Variants in SYN3 observed in about 807,000 individuals in gnomAD.
SYN3 encodes synapsin III, also known as synapsin-3.
Under a neutral mutation model 65.8 loss-of-function variants are expected in SYN3, and 35 were observed. The ratio of observed to expected loss-of-function variants is 0.53; its 90% CI spans 0.41 to 0.70. The LOEUF (loss-of-function observed/expected upper bound fraction) is 0.70. SYN3 is among the 30% of genes least tolerant of loss of function. SYN3 has a pLI of 0.00. For synonymous variants in SYN3, 270 were observed against 292.9 expected, an observed-to-expected ratio of 0.92 and a Z score of 0.80; for missense variants, 680 against 749.0, an observed-to-expected ratio of 0.91 and a Z score of 1.08.
chr22:32,971,306 C>T (rs187152403), intron 3 of SYN3, among the ~76,000 whole-genome samples: 16 of 152,206 alleles, frequency 1.1e-4, no homozygotes. Context: ...TTTTATCCCC[C>T]CAGCTGGTTC....
chr22:32,842,895 G>T (rs982708859), intron 6 of SYN3, among the ~76,000 whole-genome samples: 51 of 152,182 alleles, frequency 3.4e-4, no homozygotes, highest in Non-Finnish European at 1.0e-4. Context: ...GGTGGTGGGT[G>T]GGTGATCAAA....
At chr22:33,005,034 C>T (rs751835046) in intron 2 of SYN3, among the ~76,000 whole-genome samples, 1 of 152,160 alleles carries the variant, frequency 6.6e-6, no homozygotes, top group Non-Finnish European at 1.5e-5. Context: ...GGGCTTCCCC[C>T]TTCACCTGGC....
chr22:32,588,176 G>C (rs1485069743), intron 7 of SYN3, among the ~76,000 whole-genome samples: 2 of 152,164 alleles, frequency 1.3e-5, no homozygotes, highest in African/African-American at 4.8e-5. Context: ...ATGGAATGGG[G>C]CTGAACGATT....
chr22:32,838,017 C>T (rs372185808), intron 6 of SYN3, among the ~76,000 whole-genome samples: 29 of 152,324 alleles, frequency 1.9e-4, no homozygotes, highest in African/African-American at 2.9e-4. Context: ...CTCCCTCCGG[C>T]GCCTCCAGGC....
At chr22:33,056,427 T>C (rs144006083) in intron 1 of SYN3, among the ~76,000 whole-genome samples, 1 of 152,284 alleles carries the variant, frequency 6.6e-6, no homozygotes, top group Non-Finnish European at 1.5e-5. Flanking sequence ...TGCCAGAGTG[T>C]TGGTTACCCC....
chr22:32,879,081 A>T (rs2049057106), intron 4 of SYN3, among the ~76,000 whole-genome samples: 1 of 152,138 alleles, frequency 6.6e-6, no homozygotes, highest in South Asian at 2.1e-4. Context: ...ACATACACAC[A>T]CACACACACT....
At chr22:32,647,461 T>C (rs1601835012) in intron 6 of SYN3, among the ~76,000 whole-genome samples, 1 of 152,240 alleles carries the variant, frequency 6.6e-6, no homozygotes, top group Admixed American at 6.5e-5. Context: ...CTTTTTTTTT[T>C]TTTGAGACAG....
Position 32,904,562 on chromosome 22 carries a change from T to A in SYN3, c.461+26828A>T, listed in dbSNP as rs2049851963. Among the ~76,000 whole-genome samples the A allele has an allele frequency of 2.6e-5, 4 of 152,066 alleles. No homozygotes were observed. The South Asian group carries it at 8.3e-4, about 31-fold the overall frequency. Reference sequence around the variant, plus strand: ...TTTCATAACAGATAGCCTGCCCTAATATACACAGTAAAAGCAGAATTGGGG... The same window carrying A: ...TTTCATAACAGATAGCCTGCCCTAAAATACACAGTAAAAGCAGAATTGGGG... On this transcript the variant is annotated intron_variant, in intron 4 of 13. Transcript: ENST00000358763.
At chr22:33,054,394 G>T (rs1050376387) in intron 1 of SYN3, among the ~76,000 whole-genome samples, 27 of 152,206 alleles carry the variant, frequency 1.8e-4, no homozygotes, top group Middle Eastern at 3.4e-3. Flanking sequence ...TTGTTTGTTT[G>T]TTTTTTTAAT....
intron 6 of SYN3, among the ~76,000 whole-genome samples, chr22:32,848,471 G>C (rs555438607): frequency 6.6e-6 from 1 of 152,310 alleles, no homozygotes; most frequent in Admixed American, 6.5e-5. Context: ...TACTGCCCTT[G>C]TAAGACAGTT....
intron 2 of SYN3, among the ~76,000 whole-genome samples, chr22:32,992,153 T>C (rs1318478334): frequency 6.6e-6 from 1 of 152,240 alleles, no homozygotes; most frequent in Non-Finnish European, 1.5e-5. Context: ...CCTCAGACTT[T>C]GCCCAAGGCA....
rs2060226707 is a variant in SYN3 at position 32,662,238 on chromosome 22, A to G, written c.712-65502T>C. Among the ~76,000 whole-genome samples, 10 of 148,470 alleles carry G rather than the reference A, an allele frequency of 6.7e-5. No homozygotes were observed. The South Asian group carries it at 2.1e-3, about 31-fold the overall frequency. On this transcript the variant is annotated intron_variant, in intron 6 of 13. Coordinates refer to ENST00000358763, the MANE Select transcript of SYN3 (RefSeq NM_003490.4). Reference sequence around the variant, plus strand: ...ATTCTTTTCTCCTCCCTTGGCTCTCAGATGCCTTAGTTCTATAGGGCTGTC... The same window carrying G: ...ATTCTTTTCTCCTCCCTTGGCTCTCGGATGCCTTAGTTCTATAGGGCTGTC...
chr22:32,925,123 T>A (rs2050435317), intron 4 of SYN3, among the ~76,000 whole-genome samples: 1 of 151,806 alleles, frequency 6.6e-6, no homozygotes, highest in Admixed American at 6.6e-5. Context: ...GCAGAGTTGG[T>A]TTTCTTTCTG....
chr22:32,938,399 G>A lies in SYN3; in HGVS notation c.370-6918C>T, dbSNP rs139228165. On this transcript the variant is annotated intron_variant, in intron 3 of 13. Transcript: ENST00000358763. Reference sequence around the variant, plus strand: ...AAAAAAATTAGCCAGGCGTGGTGGCGGGTGTCTGTAGTTCCAGCTACTCGG... The same window carrying A: ...AAAAAAATTAGCCAGGCGTGGTGGCAGGTGTCTGTAGTTCCAGCTACTCGG... Among the ~76,000 whole-genome samples the A allele has an allele frequency of 1.1e-4, 17 of 151,884 alleles. No homozygotes were observed. In the East Asian group the frequency reaches 1.8e-3, roughly 16 times the overall value.
At position 32,518,346 on chromosome 22, in the gene SYN3, GAAAA is replaced by G; in HGVS notation, c.1319-16_1319-13del. 1 of 1,591,938 alleles carries G rather than the reference GAAAA, an allele frequency of 6.3e-7. No individual in the cohort carries two copies. The highest frequency in any genetic ancestry group is 8.6e-7 in the Non-Finnish European group (1 of 1,168,084). On this transcript the variant is annotated splice_polypyrimidine_tract_variant and intron_variant, in intron 12 of 13. Transcript: ENST00000358763. ...TTGGCGAGGGCCTCCTAAGGGGCCA[GAAAA>G]AAAAAGGTTCAGTTCAATTTTTTTT...
At chr22:32,528,087 CT>C in intron 11 of SYN3, 82 bp from the exon 12 acceptor site, 2 of 1,096,066 alleles carry the variant, frequency 1.8e-6, no homozygotes, top group Non-Finnish European at 1.3e-6. Context: ...TTATGAAGAT[CT>C]TTTTATCATT....
intron 1 of SYN3, among the ~76,000 whole-genome samples, chr22:33,034,668 T>G (rs1415869772): frequency 6.6e-6 from 1 of 152,112 alleles, no homozygotes; most frequent in East Asian, 1.9e-4. Flanking sequence ...CTGAGCGAAT[T>G]ACAAGCACCA....
Position 32,508,048 on chromosome 22 carries a change from T to C in SYN3, c.*5644A>G, listed in dbSNP as rs1217297028. Among the ~76,000 whole-genome samples the C allele has an allele frequency of 1.3e-5, 2 of 152,142 alleles. No individual in the cohort carries two copies. Among genetic ancestry groups the C allele is most frequent in the Non-Finnish European group, 2.9e-5 (2 of 68,030 alleles). On this transcript the variant is annotated 3_prime_UTR_variant, in exon 14 of 14. Transcript: ENST00000358763. ...TCAACACTATTTTGTTTTATTTTTC[T>C]TATTAATATAAGAAGGCAGGAATGT...
rs58839126 is a variant in SYN3, at chr22:32,749,296, GCC to G, written c.711+115617_711+115618del. 7.8e-4 allele frequency among the ~76,000 whole-genome samples: 57 copies of G among 73,490 alleles called. 1 individual carries two copies. The highest frequency in any genetic ancestry group is 2.7e-3 in the African/African-American group (55 of 20,040). The allele number at this position is 73,490 out of a possible 152,430, so 48.2% of individuals were successfully genotyped here. On this transcript the variant is annotated intron_variant, in intron 6 of 13. Coordinates refer to ENST00000358763, the MANE Select transcript of SYN3 (RefSeq NM_003490.4). ...CTTCATGACCTAATCACCTCCCAAA[GCC>G]CCCCCCCCACCCCAAAATACACACA...
Sources: allele counts gnomAD v4.1 joint callset (sites outside exome capture counted in the v4.1 genomes callset), GRCh38; gene constraint gnomAD v4.1.1; transcripts MANE v1.5; gene names NCBI Gene and HGNC (gene_info 2026-07-23, HGNC 2026-07-21).